Variants in IRAK1BP1 observed in about 807,000 individuals in gnomAD.
The protein encoded by IRAK1BP1 is interleukin 1 receptor associated kinase 1 binding protein 1, also known as interleukin-1 receptor-associated kinase 1-binding protein 1.
A neutral mutation model predicts 28.0 loss-of-function variants in IRAK1BP1; 24 were observed. That is an observed-to-expected ratio of 0.86 (90% CI 0.62 to 1.20). The LOEUF (loss-of-function observed/expected upper bound fraction) is 1.20. Among genes scored for constraint, IRAK1BP1 ranks in the 50% most tolerant of loss-of-function variants. IRAK1BP1 has a pLI of 0.00. For synonymous variants in IRAK1BP1, 131 were observed against 116.3 expected, an observed-to-expected ratio of 1.13 and a Z score of -0.81; for missense variants, 336 against 316.7, an observed-to-expected ratio of 1.06 and a Z score of -0.46.
At chr6:78,946,915 G>A (rs747759319), downstream of IRAK1BP1, 1 of 1,306,198 alleles carries the variant, frequency 7.7e-7, no homozygotes, top group Non-Finnish European at 1.1e-6. Flanking sequence ...TTCCTTGGAG[G>A]AAAATACCTT....
chr6:78,915,249 C>T (rs1772530954), intron 4 of IRAK1BP1, among the ~76,000 whole-genome samples: 1 of 152,156 alleles, frequency 6.6e-6, no homozygotes, highest in Non-Finnish European at 1.5e-5. Flanking sequence ...TTATGAGCAA[C>T]TAAAATTGAT....
the IRAK1BP1 span, among the ~76,000 whole-genome samples, chr6:78,977,825 T>C: frequency 1.3e-5 from 2 of 152,190 alleles, no homozygotes; most frequent in East Asian, 3.9e-4. Flanking sequence ...TTTCAGACTG[T>C]TCTTTAGAAT....
At chr6:78,916,323 G>C (rs1352379290) in intron 4 of IRAK1BP1, among the ~76,000 whole-genome samples, 1 of 151,896 alleles carries the variant, frequency 6.6e-6, no homozygotes, top group African/African-American at 2.4e-5. Context: ...ATTATGTGTA[G>C]TGCAAGAAGG....
At chr6:78,965,129 C>T in the IRAK1BP1 span, among the ~76,000 whole-genome samples, 2 of 152,146 alleles carry the variant, frequency 1.3e-5, no homozygotes, top group African/African-American at 4.8e-5. Flanking sequence ...TTATTAATTA[C>T]AACTATATCT....
At chr6:78,929,557 G>T (rs960802722) in intron 4 of IRAK1BP1, among the ~76,000 whole-genome samples, 1 of 151,908 alleles carries the variant, frequency 6.6e-6, no homozygotes, top group Admixed American at 6.6e-5. Flanking sequence ...AGGAAGGAGG[G>T]GGACAAGCAT....
At chr6:78,945,247 A>AT in intron 4 of IRAK1BP1, 1 of 1,290,330 alleles carries the variant, frequency 7.7e-7, no homozygotes, top group Middle Eastern at 1.9e-4. Flanking sequence ...CAACAAAAGC[A>AT]TTATTTATAA....
downstream of IRAK1BP1, among the ~76,000 whole-genome samples, chr6:78,904,562 A>G (rs758471701): frequency 6.6e-6 from 1 of 152,230 alleles, no homozygotes; most frequent in African/African-American, 2.4e-5. Flanking sequence ...TTAGAAAATC[A>G]TATTTGTATT....
the IRAK1BP1 span, chr6:78,958,207 C>CT: frequency 4.3e-5 from 11 of 254,782 alleles, no homozygotes; most frequent in South Asian, 1.4e-4. Context: ...AGAAAATAAT[C>CT]TTTTTTTAAA....
At chr6:78,879,205 TG>T (rs900899318) in intron 1 of IRAK1BP1, among the ~76,000 whole-genome samples, 1 of 150,990 alleles carries the variant, frequency 6.6e-6, no homozygotes, top group African/African-American at 2.4e-5. Flanking sequence ...TGTCTTGGGG[TG>T]GGGGTAGGGG....
intron 2 of IRAK1BP1, among the ~76,000 whole-genome samples, chr6:78,890,675 A>G (rs1771620820): frequency 6.6e-6 from 1 of 152,214 alleles, no homozygotes; most frequent in Admixed American, 6.5e-5. Flanking sequence ...TCTGAACAGC[A>G]ATTGGACCTC....
intron 2 of IRAK1BP1, among the ~76,000 whole-genome samples, chr6:78,896,012 C>G (rs1771869521): frequency 6.6e-6 from 1 of 152,098 alleles, no homozygotes; most frequent in South Asian, 2.1e-4. Context: ...ATTTAAAATA[C>G]ATAGGGATAA....
chr6:78,909,512 T>A (rs1433032682), intron 4 of IRAK1BP1, among the ~76,000 whole-genome samples: 1 of 152,220 alleles, frequency 6.6e-6, no homozygotes, highest in Non-Finnish European at 1.5e-5. Context: ...TATGCTCTTT[T>A]CACTTCCTGA....
rs756212292 is a variant in IRAK1BP1 at position 78,872,063 on chromosome 6, A to C, written c.315+4172A>C. ...GCCTTCATCTGAAGGCTAATGTAGA[A>C]CTAGAATGACTGAGGGAAATGAATG... On this transcript the variant is annotated intron_variant, in intron 1 of 3. Coordinates refer to ENST00000369940, the MANE Select transcript of IRAK1BP1 (RefSeq NM_001010844.4). 1.6e-5 allele frequency: 11 copies of C among 696,616 alleles called. No individual in the cohort carries two copies. In the South Asian group the frequency reaches 1.7e-4, roughly 11 times the overall value. 43.2% of individuals were successfully genotyped at this position (696,616 alleles called of 1,614,324 possible). A position where few individuals can be genotyped will look rare whatever the true frequency, so the allele number is the denominator to read the frequency against.
In IRAK1BP1 at chr6:78,902,724, T is replaced by C; in HGVS notation, c.*4390T>C. On this transcript the variant is annotated 3_prime_UTR_variant, in exon 4 of 4. Coordinates refer to ENST00000369940, the MANE Select transcript of IRAK1BP1 (RefSeq NM_001010844.4). ...AGGCAGAGCTTACAGTGAGCCGAGA[T>C]CGCACCACTGCACTTCAGCCTGGGT... The C allele has an allele frequency of 3.1e-6, 1 of 320,530 alleles. No homozygotes were observed. Among genetic ancestry groups the C allele is most frequent in the Non-Finnish European group, 5.7e-6 (1 of 175,074 alleles). The allele number at this position is 320,530 out of a possible 1,614,324, so 19.9% of individuals were successfully genotyped here.
the IRAK1BP1 span, among the ~76,000 whole-genome samples, chr6:78,961,056 CAT>C: frequency 6.6e-6 from 1 of 151,946 alleles, no homozygotes; most frequent in Non-Finnish European, 1.5e-5. Flanking sequence ...AAACTATAAA[CAT>C]ATTTTTTGAC....
In IRAK1BP1 at chr6:78,945,378, GCTTTTC is replaced by G. The variant is rs775416929; in HGVS notation, c.*68-22_*68-17del. On this transcript the variant is annotated intron_variant and NMD_transcript_variant, in intron 4 of 4. Transcript: ENST00000606868. ...GATGACTTCATTTTACGTTTGACTG[GCTTTTC>G]CTTTTCCATGTTTTCTTTTGCAGAA... 3.1e-6 allele frequency: 5 copies of G among 1,613,442 alleles called. No individual in the cohort carries two copies. In the African/African-American group the frequency reaches 4.0e-5, roughly 13 times the overall value.
chr6:78,902,935 T>C lies in IRAK1BP1; in HGVS notation c.*4601T>C, dbSNP rs1041123470. On this transcript the variant is annotated 3_prime_UTR_variant, in exon 4 of 4. Coordinates refer to ENST00000369940, the MANE Select transcript of IRAK1BP1 (RefSeq NM_001010844.4). ...TCTTTCAAGAAGGATTGTTTTCTAC[T>C]ATTAAAACAATAAAACTCTTATAAA... is the stretch of plus-strand genomic sequence containing the variant. 1.2e-6 allele frequency: 1 copy of C among 863,712 alleles called. No homozygotes were observed. Among genetic ancestry groups the C allele is most frequent in the Non-Finnish European group, 1.8e-6 (1 of 552,460 alleles). 53.5% of individuals were successfully genotyped at this position (863,712 alleles called of 1,614,324 possible). A position where few individuals can be genotyped will look rare whatever the true frequency, so the allele number is the denominator to read the frequency against.
chr6:78,928,506 C>T (rs1772952618), intron 4 of IRAK1BP1, among the ~76,000 whole-genome samples: 1 of 152,022 alleles, frequency 6.6e-6, no homozygotes, highest in Non-Finnish European at 1.5e-5. Context: ...TTTGGATGCC[C>T]TTTATTTCCT....
At chr6:78,924,025 A>C (rs1428635131) in intron 4 of IRAK1BP1, among the ~76,000 whole-genome samples, 1 of 152,190 alleles carries the variant, frequency 6.6e-6, no homozygotes, top group African/African-American at 2.4e-5. Context: ...AAACAAGAGC[A>C]AACACATTCA....
Sources: gnomAD v4.1 joint callset for allele counts (sites outside exome capture counted in the v4.1 genomes callset) on GRCh38, gnomAD v4.1.1 for gene constraint, MANE v1.5 for transcripts, NCBI Gene and HGNC (gene_info 2026-07-23, HGNC 2026-07-21) for gene names.